The following FAT1 variants were observed in gnomAD, a reference collection of about 807,000 sequenced individuals.
The protein encoded by FAT1 is FAT atypical cadherin 1, also known as protocadherin Fat 1.
A neutral mutation model predicts 329.8 loss-of-function variants in FAT1; 171 were observed. That is an observed-to-expected ratio of 0.52 (90% confidence interval 0.46 to 0.59). FAT1 has a LOEUF of 0.59. FAT1 is among the 20% of genes least tolerant of loss of function. The pLI, the probability that FAT1 is intolerant of heterozygous loss-of-function variation, is 0.00. For missense variants in FAT1, 5,672 were observed against 5,774.4 expected, an observed-to-expected ratio of 0.98 and a Z score of 0.57; for synonymous variants, 2,233 against 2,228.6, an observed-to-expected ratio of 1.00 and a Z score of -0.06.
At chr4:186,613,036 G>C (rs754664559) in intron 13 of FAT1, 73 bp downstream of exon 13, 16 of 964,546 alleles carry the variant, frequency 1.7e-5, no homozygotes, top group Non-Finnish European at 2.4e-5. Flanking sequence ...GGCTGAATCT[G>C]GGGTGTGTTT....
intron 2 of FAT1, among the ~76,000 whole-genome samples, chr4:186,705,700 T>C (rs1744553095): frequency 6.6e-6 from 1 of 152,194 alleles, no homozygotes; most frequent in Admixed American, 6.5e-5. Context: ...GACATATAAC[T>C]ACAATATCTG....
rs531986027 is a variant in FAT1 at position 186,667,441 on chromosome 4, G to C, written c.3266-3828C>G. On this transcript the variant is annotated intron_variant, in intron 2 of 26. Coordinates refer to ENST00000441802, the MANE Select transcript of FAT1 (RefSeq NM_005245.4). ...TAAAATAGTAAGTATGAATGAGTGA[G>C]ATGCTGGATGTTCCTATTTCATGAA... Among the ~76,000 whole-genome samples the C allele has an allele frequency of 2.6e-5, 4 of 152,364 alleles. No homozygotes were observed. The South Asian group carries it at 8.3e-4, about 32-fold the overall frequency.
At chr4:186,659,935 A>G (rs1257190840) in intron 3 of FAT1, among the ~76,000 whole-genome samples, 1 of 151,448 alleles carries the variant, frequency 6.6e-6, no homozygotes, top group African/African-American at 2.4e-5. Flanking sequence ...TGTCCCCTGA[A>G]CGACGCTGGG....
intron 2 of FAT1, among the ~76,000 whole-genome samples, chr4:186,685,103 C>G (rs1463208220): frequency 2.0e-5 from 3 of 152,170 alleles, no homozygotes; most frequent in Non-Finnish European, 4.4e-5. Context: ...CCTGCCTTAT[C>G]TGGCGTTACT....
At chr4:186,725,326 G>A (rs1470962461), upstream of FAT1, among the ~76,000 whole-genome samples, 1 of 152,018 alleles carries the variant, frequency 6.6e-6, no homozygotes, top group Non-Finnish European at 1.5e-5. This position sits in a 1 kb window ranked among gnomAD's most constrained non-coding sequence, Gnocchi z 5.4. Flanking sequence ...GCGAGGAAGC[G>A]GGAGTAATGC....
At chr4:186,634,347 G>A (rs993822094) in intron 6 of FAT1, among the ~76,000 whole-genome samples, 2 of 151,938 alleles carry the variant, frequency 1.3e-5, no homozygotes, top group African/African-American at 4.8e-5. Flanking sequence ...CAAACACAAA[G>A]CCTAATGAAA....
chr4:186,638,324 T>A (rs139444594), intron 4 of FAT1, among the ~76,000 whole-genome samples: 2 of 152,216 alleles, frequency 1.3e-5, no homozygotes, highest in Admixed American at 6.5e-5. Context: ...GAGTGACGTA[T>A]GCAATTAATG....
intron 2 of FAT1, among the ~76,000 whole-genome samples, chr4:186,668,189 C>T (rs1445962989): frequency 6.6e-6 from 1 of 152,134 alleles, no homozygotes; most frequent in Non-Finnish European, 1.5e-5. Context: ...TTTAATCTGT[C>T]AGCCCAGTTG....
chr4:186,622,028 C>T (rs976329667), intron 9 of FAT1, among the ~76,000 whole-genome samples: 5 of 152,142 alleles, frequency 3.3e-5, no homozygotes, highest in South Asian at 2.1e-4. Context: ...CTGCTCTTAG[C>T]GAAGCCAAAA....
At position 186,600,117 on chromosome 4, in the gene FAT1, T is replaced by G; in HGVS notation, c.11884A>C (p.Arg3962=). The change falls in exon 22 of 27, where the codon AGG becomes CGG. Residue 3962 remains arginine, a synonymous_variant. Coordinates refer to ENST00000441802, the MANE Select transcript of FAT1 (RefSeq NM_005245.4). ...CCAACTTGAGGACTTCTTCCATGCCTTGTTCCCTGCTGACGGATGTGGCCA... is the reference window on the plus strand; with the variant it reads ...CCAACTTGAGGACTTCTTCCATGCCGTGTTCCCTGCTGACGGATGTGGCCA... ...FGGHIRQQGT[R]HGRSPQVGNG... 6.2e-7 allele frequency: 1 copy of G among 1,614,044 alleles called. No homozygotes were observed. The highest frequency in any genetic ancestry group is 1.1e-5 in the South Asian group (1 of 91,072).
At chr4:186,617,575 A>G in intron 10 of FAT1, 133 bp downstream of exon 10, 1 of 734,644 alleles carries the variant, frequency 1.4e-6, no homozygotes, top group Non-Finnish European at 2.1e-6. Context: ...TGTTATTTCT[A>G]CGTATTATTT....
chr4:186,680,643 G>A (rs192999055), intron 2 of FAT1, among the ~76,000 whole-genome samples: 1 of 152,234 alleles, frequency 6.6e-6, no homozygotes, highest in African/African-American at 2.4e-5. Context: ...TCAAACCAAC[G>A]AATCAGCAAA....
intron 3 of FAT1, 103 bp from the exon 4 acceptor site, chr4:186,639,886 A>C (rs1397080863): frequency 1.0e-6 from 1 of 970,594 alleles, no homozygotes; most frequent in East Asian, 2.5e-5. Flanking sequence ...CTCATGCCTT[A>C]ATCCCAGCAC....
rs371082990 is a variant in FAT1 at position 186,606,678 on chromosome 4, C to A, written c.10207-465G>T. 4.6e-5 allele frequency among the ~76,000 whole-genome samples: 7 copies of A among 152,256 alleles called. No individual in the cohort carries two copies. In the East Asian group the frequency reaches 9.7e-4, roughly 21 times the overall value. ...CTCATTTCCAATGCCTCAGGACACT[C>A]CAGATCACCCTCCCCCTCAATTTCA... On this transcript the variant is annotated intron_variant, in intron 16 of 26. Transcript: ENST00000441802.
At chr4:186,627,709 A>AGATG (rs1269144471) in intron 9 of FAT1, among the ~76,000 whole-genome samples, 5 of 152,222 alleles carry the variant, frequency 3.3e-5, no homozygotes, top group Non-Finnish European at 7.3e-5. Flanking sequence ...AATTACAATG[A>AGATG]GATGAGTCAA....
chr4:186,616,650 A>G (rs556378994), intron 11 of FAT1, among the ~76,000 whole-genome samples: 1 of 152,266 alleles, frequency 6.6e-6, no homozygotes, highest in Non-Finnish European at 1.5e-5. Flanking sequence ...CCCCCAAAAC[A>G]GTGTCTCACG....
At chr4:186,678,321 T>C (rs928633881) in intron 2 of FAT1, among the ~76,000 whole-genome samples, 2 of 151,666 alleles carry the variant, frequency 1.3e-5, no homozygotes, top group Non-Finnish European at 2.9e-5. Context: ...TATAAATAAA[T>C]AGCTAGGCGC....
At chr4:186,614,643 A>T (rs577095610) in intron 11 of FAT1, among the ~76,000 whole-genome samples, 1 of 152,368 alleles carries the variant, frequency 6.6e-6, no homozygotes, top group Admixed American at 6.5e-5. Context: ...AATCCTTATG[A>T]GAAAACGTAA....
intron 2 of FAT1, among the ~76,000 whole-genome samples, chr4:186,690,956 ATC>A (rs1404207209): frequency 2.6e-5 from 4 of 152,298 alleles, no homozygotes; most frequent in Admixed American, 6.5e-5. Flanking sequence ...TTAAAATTTC[ATC>A]TGTTATATTC....
Sources: allele counts gnomAD v4.1 joint callset (sites outside exome capture counted in the v4.1 genomes callset), GRCh38; gene constraint gnomAD v4.1.1; non-coding constraint Gnocchi (gnomAD v3.1); transcripts MANE v1.5; gene names NCBI Gene and HGNC (gene_info 2026-07-23, HGNC 2026-07-21).